The following PPP2R2B variants were observed in gnomAD, a reference collection of about 807,000 sequenced individuals.
PPP2R2B encodes protein phosphatase 2 regulatory subunit Bbeta.
Under a neutral mutation model 46.0 loss-of-function variants are expected in PPP2R2B, and 5 were observed. The observed-to-expected ratio is 0.11, with a 90% confidence interval of 0.06 to 0.23. The LOEUF is 0.23. Among genes scored for constraint, PPP2R2B ranks in the 10% least tolerant of loss-of-function variants. The probability of loss-of-function intolerance (pLI) is 1.00; values close to 1 mark genes in which losing one functional copy is unlikely to be tolerated. For missense variants in PPP2R2B, 367 were observed against 575.0 expected, an observed-to-expected ratio of 0.64 and a Z score of 3.70; for synonymous variants, 215 against 206.7, an observed-to-expected ratio of 1.04 and a Z score of -0.34.
At chr5:146,760,300 T>C (rs1754083104) in intron 2 of PPP2R2B, among the ~76,000 whole-genome samples, 1 of 152,206 alleles carries the variant, frequency 6.6e-6, no homozygotes, top group Non-Finnish European at 1.5e-5. Flanking sequence ...CTGAAGTATA[T>C]GGAATTTTTA....
intron 1 of PPP2R2B, among the ~76,000 whole-genome samples, chr5:147,028,754 C>T (rs1392552479): frequency 6.6e-6 from 1 of 152,112 alleles, no homozygotes; most frequent in African/African-American, 2.4e-5. Context: ...TGGATTTACC[C>T]ATTTTCCAAA....
At chr5:146,951,137 A>G (rs1354150244) in intron 1 of PPP2R2B, among the ~76,000 whole-genome samples, 1 of 151,870 alleles carries the variant, frequency 6.6e-6, no homozygotes, top group Non-Finnish European at 1.5e-5. Flanking sequence ...ATTTAAATAA[A>G]GCATTATTTC....
At chr5:146,593,711 G>A (rs1200133916) in intron 8 of PPP2R2B, among the ~76,000 whole-genome samples, 1 of 152,176 alleles carries the variant, frequency 6.6e-6, no homozygotes, top group East Asian at 1.9e-4. Flanking sequence ...CCAAGCATAG[G>A]AAACAGCAAA....
At chr5:146,938,406 A>G (rs1261256941) in intron 1 of PPP2R2B, among the ~76,000 whole-genome samples, 1 of 151,176 alleles carries the variant, frequency 6.6e-6, no homozygotes, top group East Asian at 2.0e-4. Context: ...CTGGATGGCA[A>G]TTTGCCCAAC....
chr5:147,071,633 C>T (rs530314477), intron 2 of PPP2R2B, among the ~76,000 whole-genome samples: 20 of 151,480 alleles, frequency 1.3e-4, no homozygotes, highest in South Asian at 8.3e-4. Flanking sequence ...ATTCACAAGA[C>T]GATATTTTTT....
intron 2 of PPP2R2B, among the ~76,000 whole-genome samples, chr5:146,714,093 G>A (rs1036519786): frequency 3.3e-5 from 5 of 151,974 alleles, no homozygotes; most frequent in Admixed American, 3.3e-4. Context: ...GACAGAAGAA[G>A]AAAATCCAGG....
chr5:146,949,232 A>G (rs529586958), intron 1 of PPP2R2B, among the ~76,000 whole-genome samples: 100 of 152,176 alleles, frequency 6.6e-4, no homozygotes, highest in African/African-American at 2.2e-3. Flanking sequence ...ATGGGAGAAA[A>G]TATTTGCAAA....
intron 2 of PPP2R2B, among the ~76,000 whole-genome samples, chr5:146,782,945 T>C (rs1296078064): frequency 1.3e-5 from 2 of 152,094 alleles, no homozygotes; most frequent in African/African-American, 4.8e-5. Flanking sequence ...AAAAGTGTCA[T>C]AGAATCGATA....
intron 1 of PPP2R2B, among the ~76,000 whole-genome samples, chr5:146,934,159 T>A (rs1764062715): frequency 6.6e-6 from 1 of 152,120 alleles, no homozygotes; most frequent in Non-Finnish European, 1.5e-5. Context: ...CATGTGTCTT[T>A]ATAGCAGCAT....
chr5:146,687,417 TA>T (rs1011736541), intron 5 of PPP2R2B, among the ~76,000 whole-genome samples: 32 of 152,166 alleles, frequency 2.1e-4, no homozygotes, highest in East Asian at 1.8e-3. Flanking sequence ...ATGGGCATTT[TA>T]ACACCCTTTG....
intron 2 of PPP2R2B, among the ~76,000 whole-genome samples, chr5:146,791,350 T>A (rs1286282593): frequency 2.0e-5 from 3 of 152,196 alleles, no homozygotes; most frequent in East Asian, 3.8e-4. Flanking sequence ...CCCCCCTTTT[T>A]CTATTAAGAA....
chr5:146,914,938 A>G (rs1408788214), intron 1 of PPP2R2B, among the ~76,000 whole-genome samples: 1 of 152,206 alleles, frequency 6.6e-6, no homozygotes, highest in Non-Finnish European at 1.5e-5. Context: ...AGTGGCTTCC[A>G]AAAAGGTCAT....
At chr5:146,742,633 T>C (rs1221499383) in intron 2 of PPP2R2B, among the ~76,000 whole-genome samples, 4 of 152,168 alleles carry the variant, frequency 2.6e-5, no homozygotes, top group East Asian at 3.8e-4. Context: ...AATGAAGATA[T>C]AATAATAAAT....
At chr5:146,930,838 C>T (rs944619227) in intron 1 of PPP2R2B, among the ~76,000 whole-genome samples, 1 of 152,110 alleles carries the variant, frequency 6.6e-6, no homozygotes, top group Non-Finnish European at 1.5e-5. Flanking sequence ...TATTCTCATT[C>T]CACCTTTCTC....
chr5:146,789,618 G>C (rs1756061664), intron 2 of PPP2R2B, among the ~76,000 whole-genome samples: 1 of 152,068 alleles, frequency 6.6e-6, no homozygotes, highest in Non-Finnish European at 1.5e-5. Flanking sequence ...ACAGTCACGG[G>C]CATGGTCCCT....
intron 1 of PPP2R2B, among the ~76,000 whole-genome samples, chr5:146,884,606 T>C (rs1351753008): frequency 6.6e-6 from 1 of 152,194 alleles, no homozygotes; most frequent in Non-Finnish European, 1.5e-5. Flanking sequence ...AGTTAGGATA[T>C]TGATGCAAAG....
chr5:146,661,935 A>C (rs1022197896), intron 5 of PPP2R2B, among the ~76,000 whole-genome samples: 4 of 152,174 alleles, frequency 2.6e-5, no homozygotes. Context: ...TTCAATTAAC[A>C]TTTATAGCTG....
intron 2 of PPP2R2B, among the ~76,000 whole-genome samples, chr5:146,759,074 G>T (rs1244563119): frequency 6.6e-6 from 1 of 152,180 alleles, no homozygotes; most frequent in Non-Finnish European, 1.5e-5. Flanking sequence ...CAGTGGCTGA[G>T]TTAAGTTTAG....
intron 1 of PPP2R2B, among the ~76,000 whole-genome samples, chr5:146,920,690 C>T (rs1763571544): frequency 6.6e-6 from 1 of 152,150 alleles, no homozygotes; most frequent in African/African-American, 2.4e-5. Flanking sequence ...GAGAGAGCCC[C>T]AGAGCAGAAT....
Sources: gnomAD v4.1 joint callset for allele counts (sites outside exome capture counted in the v4.1 genomes callset) on GRCh38, gnomAD v4.1.1 for gene constraint, MANE v1.5 for transcripts, NCBI Gene and HGNC (gene_info 2026-07-23, HGNC 2026-07-21) for gene names.